The following PCTP variants were observed in gnomAD, a reference collection of about 807,000 sequenced individuals.
PCTP encodes the protein phosphatidylcholine transfer protein, also known as START domain-containing protein 2.
A neutral mutation model predicts 31.0 loss-of-function variants in PCTP; 27 were observed. The ratio of observed to expected loss-of-function variants is 0.87; its 90% CI spans 0.64 to 1.20. The LOEUF (loss-of-function observed/expected upper bound fraction) is 1.20, where lower values mean the gene tolerates loss of function less well. PCTP is among the 50% of genes most tolerant of loss of function. PCTP has a pLI of 0.00. For missense variants in PCTP, 287 were observed against 268.2 expected (o/e 1.07, Z -0.49); for synonymous variants, 108 against 101.2 (o/e 1.07, Z -0.40).
intron 5 of PCTP, among the ~76,000 whole-genome samples, chr17:55,836,314 A>G (rs12948044): frequency 0.3 from 45,065 of 152,024 alleles, 6,647 homozygotes; most frequent in East Asian, 0.42. Flanking sequence ...AAAATCTTTG[A>G]CAACTGATAC....
At chr17:55,813,579 T>C (rs893103642) in intron 3 of PCTP, among the ~76,000 whole-genome samples, 7 of 152,158 alleles carry the variant, frequency 4.6e-5, no homozygotes, top group Non-Finnish European at 1.0e-4. Flanking sequence ...CCTCCCAAGG[T>C]GCTGGGATTA....
intron 5 of PCTP, among the ~76,000 whole-genome samples, chr17:55,831,083 C>T (rs1398388522): frequency 1.3e-5 from 2 of 152,110 alleles, no homozygotes; most frequent in African/African-American, 4.8e-5. Flanking sequence ...CCCATTCAAT[C>T]GATTACGGGC....
chr17:55,753,667 C>G (rs1474498857), intron 1 of PCTP, among the ~76,000 whole-genome samples: 2 of 152,174 alleles, frequency 1.3e-5, no homozygotes, highest in Non-Finnish European at 2.9e-5. Flanking sequence ...AATTTGGTCT[C>G]AACTCACATT....
chr17:55,794,700 TAA>T (rs1333571393), intron 3 of PCTP, among the ~76,000 whole-genome samples: 2 of 152,036 alleles, frequency 1.3e-5, no homozygotes, highest in Non-Finnish European at 2.9e-5. Context: ...CCTAAAAGCA[TAA>T]GTCACATTCT....
chr17:55,847,930 TG>T, the PCTP span, among the ~76,000 whole-genome samples: 1 of 152,142 alleles, frequency 6.6e-6, no homozygotes, highest in Admixed American at 6.5e-5. Context: ...TTTTTGTTTT[TG>T]TTTTTTTTTG....
At chr17:55,766,669 C>T (rs1252266830) in intron 1 of PCTP, among the ~76,000 whole-genome samples, 1 of 152,044 alleles carries the variant, frequency 6.6e-6, no homozygotes, top group African/African-American at 2.4e-5. Flanking sequence ...CATTGTTGGA[C>T]ATTTGGGTTG....
chr17:55,845,590 G>A (rs999674874), downstream of PCTP, among the ~76,000 whole-genome samples: 1 of 152,216 alleles, frequency 6.6e-6, no homozygotes, highest in Non-Finnish European at 1.5e-5. Context: ...TTATATTTGG[G>A]ATTTTGGGTT....
Position 55,755,055 on chromosome 17 carries a change from A to G in PCTP, c.141+3811A>G, listed in dbSNP as rs142599770. On this transcript the variant is annotated intron_variant, in intron 1 of 5. Coordinates refer to ENST00000268896, the MANE Select transcript of PCTP (RefSeq NM_021213.4). ...ACTGTATTCAGAAAGGAGACCAGAG[A>G]CAATTTGTTTATATACTTCATTGAG... 8.5e-5 allele frequency among the ~76,000 whole-genome samples: 13 copies of G among 152,276 alleles called. No homozygotes were observed. The East Asian group carries it at 2.1e-3, about 25-fold the overall frequency.
intron 3 of PCTP, among the ~76,000 whole-genome samples, chr17:55,808,426 G>A (rs1172610426): frequency 3.9e-5 from 6 of 152,176 alleles, no homozygotes; most frequent in Non-Finnish European, 1.5e-5. Context: ...CATCCATGTT[G>A]GCTCAGTCTT....
In PCTP at chr17:55,770,892, TTG is replaced by T. The variant is rs1910953008; in HGVS notation, c.260-213_260-212del. ...GCACCACCATACCTGGCTGATTTTT[TTG>T]CTTTTTTTTTTTTTTATATATAGAG... On this transcript the variant is annotated intron_variant, in intron 2 of 5. Transcript: ENST00000268896. 1.0e-5 allele frequency: 4 copies of T among 389,340 alleles called. No homozygotes were observed. In the East Asian group the frequency reaches 1.8e-4, roughly 18 times the overall value. The allele number at this position is 389,340 out of a possible 1,614,324, so 24.1% of individuals were successfully genotyped here.
At chr17:55,813,269 T>A (rs1371774546) in intron 3 of PCTP, among the ~76,000 whole-genome samples, 1 of 152,102 alleles carries the variant, frequency 6.6e-6, no homozygotes, top group Admixed American at 6.5e-5. Flanking sequence ...AGAAGTACGT[T>A]ATTTATTTAT....
intron 5 of PCTP, among the ~76,000 whole-genome samples, chr17:55,840,167 C>G (rs2145092362): frequency 6.6e-6 from 1 of 152,178 alleles, no homozygotes; most frequent in East Asian, 1.9e-4. Flanking sequence ...GGCATAGAGT[C>G]TGCTGGGACA....
downstream of PCTP, among the ~76,000 whole-genome samples, chr17:55,828,082 A>G (rs1053126562): frequency 2.6e-5 from 4 of 152,222 alleles, no homozygotes; most frequent in Non-Finnish European, 5.9e-5. Flanking sequence ...TGGGGTGGGA[A>G]GCAAAGGAAC....
chr17:55,811,589 T>C (rs1010216742), intron 3 of PCTP, among the ~76,000 whole-genome samples: 8 of 152,184 alleles, frequency 5.3e-5, no homozygotes, highest in Non-Finnish European at 1.0e-4. Context: ...CTGGAGAGCA[T>C]TGCCTGTCTG....
At chr17:55,755,095 C>G (rs1488996143) in intron 1 of PCTP, among the ~76,000 whole-genome samples, 1 of 152,108 alleles carries the variant, frequency 6.6e-6, no homozygotes, top group Non-Finnish European at 1.5e-5. Flanking sequence ...TATTGAGGAT[C>G]TGCAATGGGT....
rs114311992 is a variant in PCTP at position 55,798,893 on chromosome 17, T to A, written c.317+11239T>A. On this transcript the variant is annotated intron_variant, in intron 3 of 3. Transcript: ENST00000572536. ...TTATATAAGGTTTACAATATCTGTG[T>A]CATTAAAATAAGTGAAAACCCTAGC... 2.2e-3 allele frequency among the ~76,000 whole-genome samples: 342 copies of A among 152,100 alleles called. 2 individuals are homozygous for A. The highest frequency in any genetic ancestry group is 8.1e-3 in the African/African-American group (335 of 41,554).
At chr17:55,805,947 T>C (rs1300720930) in intron 3 of PCTP, among the ~76,000 whole-genome samples, 1 of 150,238 alleles carries the variant, frequency 6.7e-6, no homozygotes, top group Non-Finnish European at 1.5e-5. Context: ...TTTGGCCTCA[T>C]TTTTGGTGAG....
Position 55,755,613 on chromosome 17 carries a change from A to G in PCTP, c.141+4369A>G, listed in dbSNP as rs371877133. On this transcript the variant is annotated intron_variant, in intron 1 of 5. Coordinates refer to ENST00000268896, the MANE Select transcript of PCTP (RefSeq NM_021213.4). ...TTTTGATAATTTTTTTTTGTTTTCTATTTTTCTCTTAAATCACAAAATTCT... is the reference window on the plus strand; with the variant it reads ...TTTTGATAATTTTTTTTTGTTTTCTGTTTTTCTCTTAAATCACAAAATTCT... Among the ~76,000 whole-genome samples, 25 of 151,460 alleles carry G rather than the reference A, an allele frequency of 1.7e-4. No homozygotes were observed. In the South Asian group the frequency reaches 2.1e-3, roughly 13 times the overall value.
chr17:55,770,824 A>G (rs1910946395), intron 2 of PCTP: 1 of 252,472 alleles, frequency 4.0e-6, no homozygotes, highest in Non-Finnish European at 7.5e-6. Flanking sequence ...GGCTTGGATG[A>G]TCCTCCTACC....
Sources: gnomAD v4.1 joint callset for allele counts (sites outside exome capture counted in the v4.1 genomes callset) on GRCh38, gnomAD v4.1.1 for gene constraint, MANE v1.5 for transcripts, NCBI Gene and HGNC (gene_info 2026-07-23, HGNC 2026-07-21) for gene names.